Variants in ADK observed in about 807,000 individuals in gnomAD.
The protein encoded by ADK is adenosine kinase.
A neutral mutation model predicts 44.7 loss-of-function variants in ADK; 24 were observed. That is an observed-to-expected ratio of 0.54 (90% CI 0.39 to 0.76). ADK has a LOEUF of 0.76. Ranked by LOEUF, ADK falls within the 30% of genes least tolerant of loss-of-function variation. ADK has a pLI of 0.00. For missense variants in ADK, 321 were observed against 425.1 expected (o/e 0.76, Z 2.15); for synonymous variants, 128 against 142.6 (o/e 0.90, Z 0.73).
chr10:74,527,481 A>T (rs1849099589), intron 7 of ADK: 2 of 567,724 alleles, frequency 3.5e-6, no homozygotes, highest in Non-Finnish European at 6.3e-6. Context: ...TATAGTCACA[A>T]ATGATCTTAA....
At chr10:74,328,046 T>G (rs1223548870) in intron 4 of ADK, among the ~76,000 whole-genome samples, 4 of 152,140 alleles carry the variant, frequency 2.6e-5, no homozygotes. Flanking sequence ...GTAGCTGGGA[T>G]TACAGGTGTG....
chr10:74,571,433 T>C (rs1850957404), intron 7 of ADK, among the ~76,000 whole-genome samples: 1 of 152,208 alleles, frequency 6.6e-6, no homozygotes, highest in Non-Finnish European at 1.5e-5. Context: ...TCTTTTTGGT[T>C]GGTAAGCTAT....
chr10:74,633,264 T>C (rs1853503592), intron 9 of ADK, among the ~76,000 whole-genome samples: 1 of 152,210 alleles, frequency 6.6e-6, no homozygotes, highest in African/African-American at 2.4e-5. Context: ...GTTCCACACC[T>C]TGCCTTTTTG....
chr10:74,670,220 C>G lies in ADK; in HGVS notation c.915C>G (p.Asp305Glu), dbSNP rs760003028. The change falls in exon 10 of 11, where the codon GAC becomes GAG. Residue 305 changes from aspartate (D) to glutamate (E), a missense_variant. Asp to Glu is a conservative substitution (Grantham distance 45). Transcript: ENST00000539909. ...EVTAFAVLDQ[D>E]QKEIIDTNGA... ...CTGCTTTTGCTGTCTTGGATCAAGA[C>G]CAGAAAGAAATTATTGATACCAATG... 1.5e-5 allele frequency: 25 copies of G among 1,613,838 alleles called. No homozygotes were observed. The highest frequency in any genetic ancestry group is 1.7e-4 in the Middle Eastern group (1 of 6,060).
intron 1 of ADK, among the ~76,000 whole-genome samples, chr10:74,177,083 C>T (rs1413491577): frequency 1.3e-5 from 2 of 152,192 alleles, no homozygotes; most frequent in Admixed American, 6.5e-5. Flanking sequence ...TGGCACATTG[C>T]GGAGTTCTGT....
At chr10:74,628,105 G>A (rs1853281800) in intron 9 of ADK, among the ~76,000 whole-genome samples, 1 of 152,182 alleles carries the variant, frequency 6.6e-6, no homozygotes, top group Non-Finnish European at 1.5e-5. Context: ...TATACATAGA[G>A]ACATTTGTCA....
intron 4 of ADK, among the ~76,000 whole-genome samples, chr10:74,364,070 A>G (rs1298145287): frequency 6.6e-6 from 1 of 152,230 alleles, no homozygotes; most frequent in Non-Finnish European, 1.5e-5. Flanking sequence ...TGAATCATTA[A>G]GTATTTTTGG....
intron 1 of ADK, among the ~76,000 whole-genome samples, chr10:74,189,831 A>G (rs1457517466): frequency 6.6e-6 from 1 of 152,038 alleles, no homozygotes; most frequent in Non-Finnish European, 1.5e-5. Flanking sequence ...ACATTTCCTA[A>G]GTGGAATCAT....
chr10:74,451,189 T>C (rs1564729455), intron 6 of ADK, among the ~76,000 whole-genome samples: 1 of 151,756 alleles, frequency 6.6e-6, no homozygotes, highest in East Asian at 1.9e-4. Flanking sequence ...TTTTATAATA[T>C]CTAGTCAAGT....
chr10:74,221,235 CAGAG>C (rs761989753), intron 2 of ADK, among the ~76,000 whole-genome samples: 53 of 151,772 alleles, frequency 3.5e-4, no homozygotes, highest in East Asian at 9.7e-4. Context: ...AACAGACAAA[CAGAG>C]AGCCAAATCA....
At chr10:74,599,634 T>C (rs1852048499) in intron 8 of ADK, among the ~76,000 whole-genome samples, 1 of 152,218 alleles carries the variant, frequency 6.6e-6, no homozygotes. Context: ...AAGATGATTC[T>C]AAAACCTCTG....
At chr10:74,631,426 T>G (rs1321036415) in intron 9 of ADK, among the ~76,000 whole-genome samples, 4 of 151,056 alleles carry the variant, frequency 2.6e-5, no homozygotes, top group Non-Finnish European at 5.9e-5. Flanking sequence ...TTGTTTTGTT[T>G]TTTTTTTTTT....
chr10:74,650,872 A>G (rs895334209), intron 9 of ADK, among the ~76,000 whole-genome samples: 1 of 152,214 alleles, frequency 6.6e-6, no homozygotes, highest in Non-Finnish European at 1.5e-5. Context: ...CTCTAAAGCT[A>G]TATGATGTAA....
intron 6 of ADK, among the ~76,000 whole-genome samples, chr10:74,464,464 T>A (rs1846280727): frequency 6.6e-6 from 1 of 151,936 alleles, no homozygotes. Context: ...AGCAAGAGGA[T>A]CAAGAGGATC....
intron 9 of ADK, among the ~76,000 whole-genome samples, chr10:74,663,439 A>G (rs1305739322): frequency 6.6e-6 from 1 of 151,998 alleles, no homozygotes; most frequent in Non-Finnish European, 1.5e-5. Context: ...TAAATAAAAT[A>G]GCTAAGCCCG....
chr10:74,362,150 G>A (rs1465326314), intron 4 of ADK, among the ~76,000 whole-genome samples: 1 of 152,042 alleles, frequency 6.6e-6, no homozygotes, highest in Non-Finnish European at 1.5e-5. Flanking sequence ...CCTTGTATAA[G>A]TTTTCTACCC....
At chr10:74,212,128 G>A (rs1843836706) in intron 2 of ADK, among the ~76,000 whole-genome samples, 1 of 152,084 alleles carries the variant, frequency 6.6e-6, no homozygotes, top group South Asian at 2.1e-4. Flanking sequence ...TTGCTCTGGG[G>A]CTTCCTCAAA....
intron 4 of ADK, among the ~76,000 whole-genome samples, chr10:74,315,303 A>G (rs1371114544): frequency 6.6e-6 from 1 of 152,166 alleles, no homozygotes; most frequent in African/African-American, 2.4e-5. Flanking sequence ...TCATACCTAA[A>G]TATCTATGTA....
rs1417663267 is a variant in ADK at position 74,524,995 on chromosome 10, A to T, written c.556-261A>T. On this transcript the variant is annotated intron_variant, in intron 6 of 10. Transcript: ENST00000539909. ...CCTTTCAAACATTTTTTCTTTCATG[A>T]ATTTCCAGAATTCTTTAGTATTGAG... Among the ~76,000 whole-genome samples, 4 of 152,276 alleles carry T rather than the reference A, an allele frequency of 2.6e-5. No individual in the cohort carries two copies. The East Asian group carries it at 7.7e-4, about 29-fold the overall frequency.
Sources: gnomAD v4.1 joint callset for allele counts (sites outside exome capture counted in the v4.1 genomes callset) on GRCh38, gnomAD v4.1.1 for gene constraint, MANE v1.5 for transcripts, NCBI Gene and HGNC (gene_info 2026-07-23, HGNC 2026-07-21) for gene names.